Variants in DSCAML1 observed in about 807,000 individuals in gnomAD.
The protein encoded by DSCAML1 is DS cell adhesion molecule like 1, also known as cell adhesion molecule DSCAML1.
DSCAML1 carries 38 observed loss-of-function variants against 200.5 expected under a neutral mutation model. That is an observed-to-expected ratio of 0.19 (90% CI 0.15 to 0.25). The LOEUF (loss-of-function observed/expected upper bound fraction) is 0.25, where lower values mean the gene tolerates loss of function less well. Among genes scored for constraint, DSCAML1 ranks in the 10% least tolerant of loss-of-function variants. DSCAML1 has a pLI of 1.00. For synonymous variants in DSCAML1, 1,215 were observed against 1,165.0 expected (o/e 1.04, Z -0.87); for missense variants, 2,223 against 2,858.8 (o/e 0.78, Z 5.07).
chr11:117,762,019 C>T (rs2054812893), intron 3 of DSCAML1, among the ~76,000 whole-genome samples: 1 of 152,150 alleles, frequency 6.6e-6, no homozygotes, highest in South Asian at 2.1e-4. Flanking sequence ...CCTGCACATT[C>T]CACACAACAA....
At chr11:117,616,485 G>A (rs1565828444) in intron 3 of DSCAML1, among the ~76,000 whole-genome samples, 1 of 152,234 alleles carries the variant, frequency 6.6e-6, no homozygotes. Flanking sequence ...ATATAGCACA[G>A]TGTGTTTTTC....
intron 3 of DSCAML1, among the ~76,000 whole-genome samples, chr11:117,575,657 A>T (rs2050918637): frequency 1.3e-5 from 2 of 152,158 alleles, no homozygotes. Flanking sequence ...TACACATAGT[A>T]GTTGAGAACA....
intron 3 of DSCAML1, among the ~76,000 whole-genome samples, chr11:117,746,625 C>T (rs2054522609): frequency 6.6e-6 from 1 of 152,164 alleles, no homozygotes; most frequent in Non-Finnish European, 1.5e-5. Context: ...CTCCTCAGAC[C>T]CCTAGCAGCT....
chr11:117,673,228 A>T (rs537496279), intron 3 of DSCAML1, among the ~76,000 whole-genome samples: 98 of 152,214 alleles, frequency 6.4e-4, no homozygotes, highest in Non-Finnish European at 1.3e-3. Flanking sequence ...TTAGGTAGGT[A>T]AATCTTCTGG....
intron 11 of DSCAML1, among the ~76,000 whole-genome samples, chr11:117,486,424 A>G (rs946908304): frequency 6.6e-6 from 1 of 150,644 alleles, no homozygotes; most frequent in East Asian, 1.9e-4. Flanking sequence ...CGGATGTGAA[A>G]ATGGCGGATG....
intron 3 of DSCAML1, among the ~76,000 whole-genome samples, chr11:117,767,771 C>T (rs1164539076): frequency 6.6e-6 from 1 of 152,214 alleles, no homozygotes; most frequent in African/African-American, 2.4e-5. Flanking sequence ...CATGCCCAAG[C>T]CTTGCCACTT....
In DSCAML1 at chr11:117,518,597, G is replaced by C. The variant is rs1393208731; in HGVS notation, c.1379C>G (p.Thr460Ser). The change falls in exon 7 of 33, where the codon ACC becomes AGC. Residue 460 changes from threonine (T) to serine (S), a missense_variant. Physicochemically the swap from Thr to Ser is moderately conservative, Grantham distance 58. Transcript: ENST00000651296. The surrounding 1 kb of genome is among the most constrained non-coding windows in gnomAD (Gnocchi z 6.3). Reference protein sequence around the residue: ...RDGSHRTNQYTMSDGTTISHM... With the variant: ...RDGSHRTNQYSMSDGTTISHM... ...GCTGATGGTGGTGCCGTCCGACATG[G>C]TGTACTGGTTGGTGCGGTGGCTGCC... 6.2e-7 allele frequency: 1 copy of C among 1,614,014 alleles called. No homozygotes were observed. The highest frequency in any genetic ancestry group is 1.7e-5 in the Admixed American group (1 of 60,024).
At chr11:117,574,303 C>G (rs1267354698) in intron 3 of DSCAML1, among the ~76,000 whole-genome samples, 1 of 152,150 alleles carries the variant, frequency 6.6e-6, no homozygotes, top group African/African-American at 2.4e-5. Context: ...AGGGTGTCTT[C>G]CCTGCTCTTG....
At chr11:117,607,985 T>G (rs2137524005) in intron 3 of DSCAML1, among the ~76,000 whole-genome samples, 1 of 152,294 alleles carries the variant, frequency 6.6e-6, no homozygotes, top group Non-Finnish European at 1.5e-5. Flanking sequence ...GTGATGAGCT[T>G]GAGACCTCCT....
intron 3 of DSCAML1, among the ~76,000 whole-genome samples, chr11:117,664,288 C>T (rs190715228): frequency 2.6e-5 from 4 of 152,242 alleles, no homozygotes; most frequent in African/African-American, 4.8e-5. Flanking sequence ...CTCTAAGGAG[C>T]GGTGGCTGCT....
intron 11 of DSCAML1, among the ~76,000 whole-genome samples, chr11:117,485,610 C>T (rs978576720): frequency 6.6e-6 from 1 of 152,254 alleles, no homozygotes; most frequent in African/African-American, 2.4e-5. Context: ...AACTGCCTGC[C>T]ACACAGCACT....
intron 3 of DSCAML1, among the ~76,000 whole-genome samples, chr11:117,695,795 A>T (rs2053579055): frequency 1.3e-5 from 2 of 152,224 alleles, no homozygotes; most frequent in Admixed American, 6.5e-5. Flanking sequence ...TCCTGGTGCC[A>T]ACACTTACAG....
At chr11:117,554,335 AAGAC>A (rs200613986) in intron 3 of DSCAML1, among the ~76,000 whole-genome samples, 2,010 of 152,322 alleles carry the variant, frequency 0.013, 11 homozygotes, top group Middle Eastern at 0.027. Flanking sequence ...AAAATAGTAA[AAGAC>A]AGATACCATG....
intron 3 of DSCAML1, among the ~76,000 whole-genome samples, chr11:117,670,480 T>A (rs1200208653): frequency 6.6e-6 from 1 of 152,064 alleles, no homozygotes; most frequent in East Asian, 1.9e-4. Flanking sequence ...TGTGACATAA[T>A]GGGGAGGTCA....
Position 117,767,753 on chromosome 11 carries a change from C to A in DSCAML1, c.511+9038G>T, listed in dbSNP as rs753367259. 2.0e-5 allele frequency among the ~76,000 whole-genome samples: 3 copies of A among 152,206 alleles called. No individual in the cohort carries two copies. The East Asian group carries it at 5.8e-4, about 29-fold the overall frequency. On this transcript the variant is annotated intron_variant, in intron 3 of 32. Coordinates refer to ENST00000651296, the MANE Select transcript of DSCAML1 (RefSeq NM_020693.4). ...GAAGGTTGCACTTTGGGTACAGAAG[C>A]TCTGGTCCATGCCCAAGCCTTGCCA...
At chr11:117,530,197 G>T (rs2050048387) in intron 4 of DSCAML1, among the ~76,000 whole-genome samples, 1 of 152,114 alleles carries the variant, frequency 6.6e-6, no homozygotes, top group Admixed American at 6.5e-5. Context: ...AAAGAGGAGG[G>T]GAAGAAGGGC....
At position 117,780,290 on chromosome 11, in the gene DSCAML1, A is replaced by AAGAAAGAAAGAAAGAAAGACAGAC. The variant is rs1182660051; in HGVS notation, c.364+202_364+203insGTCTGTCTTTCTTTCTTTCTTTCT. On this transcript the variant is annotated intron_variant, in intron 2 of 32. Transcript: ENST00000651296. The surrounding 1 kb of genome is among the most constrained non-coding windows in gnomAD (Gnocchi z 4.8). ...AAAGAAAGAAAGAAAGAAAGAAAGAAAGAAAGAAAGAAAGAGAGAAAGGAG... is the reference window on the plus strand; with the variant it reads ...AAAGAAAGAAAGAAAGAAAGAAAGAAAGAAAGAAAGAAAGAAAGACAGACAGAAAGAAAGAAAGAGAGAAAGGAG... Among the ~76,000 whole-genome samples, 1 of 100,128 alleles carries AAGAAAGAAAGAAAGAAAGACAGAC rather than the reference A, an allele frequency of 1.0e-5. No individual in the cohort carries two copies. Among genetic ancestry groups the AAGAAAGAAAGAAAGAAAGACAGAC allele is most frequent in the Non-Finnish European group, 2.4e-5 (1 of 41,542 alleles). 65.7% of individuals were successfully genotyped at this position (100,128 alleles called of 152,430 possible).
chr11:117,590,902 C>T (rs1030787900), intron 3 of DSCAML1, among the ~76,000 whole-genome samples: 1 of 152,140 alleles, frequency 6.6e-6, no homozygotes. Context: ...CCTAAAGATT[C>T]GTACTGAGTG....
intron 1 of DSCAML1, among the ~76,000 whole-genome samples, chr11:117,790,127 G>A (rs771423614): frequency 1.3e-5 from 2 of 152,176 alleles, no homozygotes; most frequent in Non-Finnish European, 2.9e-5. Context: ...CACCAGTCTC[G>A]ACTCGGCAGA....
Sources: allele counts gnomAD v4.1 joint callset (sites outside exome capture counted in the v4.1 genomes callset), GRCh38; gene constraint gnomAD v4.1.1; non-coding constraint Gnocchi (gnomAD v3.1); transcripts MANE v1.5; gene names NCBI Gene and HGNC (gene_info 2026-07-23, HGNC 2026-07-21).